Variants in SLC4A7 observed in about 807,000 individuals in gnomAD.
The protein encoded by SLC4A7 is solute carrier family 4 member 7, also known as sodium bicarbonate cotransporter 3.
In SLC4A7, 51 loss-of-function variants were observed where a neutral mutation model predicts 137.6. That is an observed-to-expected ratio of 0.37 (90% CI 0.30 to 0.47). The LOEUF (loss-of-function observed/expected upper bound fraction) is 0.47. Among genes scored for constraint, SLC4A7 ranks in the 20% least tolerant of loss-of-function variants. The pLI is 1.00. For synonymous variants in SLC4A7, 542 were observed against 518.6 expected, an observed-to-expected ratio of 1.05 and a Z score of -0.61; for missense variants, 1,247 against 1,525.4, an observed-to-expected ratio of 0.82 and a Z score of 3.04.
rs779539155 is a variant in SLC4A7 at position 27,431,342 on chromosome 3, T to C, written c.1106A>G (p.Lys369Arg). The C allele has an allele frequency of 4.3e-6, 7 of 1,610,722 alleles. No homozygotes were observed. The South Asian group carries it at 7.7e-5, about 18-fold the overall frequency. The change falls in exon 7 of 26, where the codon AAA (lysine) becomes AGA (arginine). Residue 369 changes from lysine to arginine, a missense_variant. Physicochemically the swap from Lys to Arg is conservative, Grantham distance 26. Around this residue, in one of 6 missense-constraint regions of SLC4A7, gnomAD observed 499 missense variants for 664.2 expected, o/e 0.75. Transcript: ENST00000454389. ...PPEEDLEAAL[K>R]GEEQKNEENV... ...TTCCTCATTCTTCTGCTCCTCGCCTTTCAGCGCTGCTTCTAAGTCTTCCTC... is the reference window on the plus strand; with the variant it reads ...TTCCTCATTCTTCTGCTCCTCGCCTCTCAGCGCTGCTTCTAAGTCTTCCTC...
intron 8 of SLC4A7, 138 bp downstream of exon 8, chr3:27,423,899 C>A (rs981198446): frequency 1.2e-5 from 7 of 578,734 alleles, no homozygotes; most frequent in Admixed American, 3.2e-5. Context: ...TAACATATCA[C>A]AGACATCACA....
chr3:27,441,900 CTTT>C (rs527582749), intron 3 of SLC4A7, among the ~76,000 whole-genome samples: 2 of 144,372 alleles, frequency 1.4e-5, no homozygotes, highest in Admixed American at 7.0e-5. Flanking sequence ...ATTAGTTTGA[CTTT>C]TTTTTTTTTT....
rs1332270977 is a variant in SLC4A7, at chr3:27,400,860, A to G, written c.2331T>C (p.Cys777=). 2.6e-6 allele frequency: 4 copies of G among 1,567,606 alleles called. No individual in the cohort carries two copies. Among genetic ancestry groups the G allele is most frequent in the African/African-American group, 2.7e-5 (2 of 74,336 alleles). The change falls in exon 16 of 26, where the codon TGT becomes TGC. Residue 777 remains cysteine, a synonymous_variant. Transcript: ENST00000454389. ...LDKLTSYSCV[C]TEPPNPSNET... ...CATTGCTGGGGTTTGGAGGTTCAGT[A>G]CATACACATCTGAGAAATTAGAGTA...
chr3:27,435,606 A>G (rs1268313421), intron 5 of SLC4A7, among the ~76,000 whole-genome samples: 2 of 152,220 alleles, frequency 1.3e-5, no homozygotes, highest in Non-Finnish European at 2.9e-5. Context: ...CTGGCAAGCC[A>G]AAGTGGGCAG....
At chr3:27,431,237 T>C in intron 7 of SLC4A7, 61 bp downstream of exon 7, 2 of 1,505,850 alleles carry the variant, frequency 1.3e-6, no homozygotes, top group Non-Finnish European at 1.8e-6. Flanking sequence ...CTAAAAGGCA[T>C]TCCAAGTGCA....
intron 1 of SLC4A7, among the ~76,000 whole-genome samples, chr3:27,471,653 T>A (rs2059252578): frequency 6.6e-6 from 1 of 152,206 alleles, no homozygotes; most frequent in Non-Finnish European, 1.5e-5. Context: ...ATTACAGGCG[T>A]GAGCCACCGC....
chr3:27,445,071 T>C (rs745991277), intron 3 of SLC4A7, among the ~76,000 whole-genome samples: 4 of 152,226 alleles, frequency 2.6e-5, no homozygotes, highest in African/African-American at 9.6e-5. Flanking sequence ...ATACCCTGTA[T>C]GTGTCAAAGT....
chr3:27,430,873 C>T (rs9858315), intron 7 of SLC4A7, among the ~76,000 whole-genome samples: 3,643 of 152,030 alleles, frequency 0.024, 162 homozygotes, highest in African/African-American at 0.084. Flanking sequence ...AAGTTCATGG[C>T]AAATTAAAAC....
intron 1 of SLC4A7, among the ~76,000 whole-genome samples, chr3:27,458,213 CTT>C (rs1333377015): frequency 1.3e-5 from 2 of 152,108 alleles, no homozygotes; most frequent in Non-Finnish European, 2.9e-5. Flanking sequence ...TCAAAGTGCT[CTT>C]TGTGTATACA....
intron 11 of SLC4A7, among the ~76,000 whole-genome samples, chr3:27,411,999 T>C (rs1296062801): frequency 6.6e-6 from 1 of 152,172 alleles, no homozygotes; most frequent in Admixed American, 6.5e-5. Context: ...ATTATCAATA[T>C]ACTATAAAAT....
rs181020761 is a variant in SLC4A7, at chr3:27,483,697, G to C, written c.60+370C>G. ...CTCCTGCGCCAAGGCAACCGGAACC[G>C]GGACCCCGCCTGGGGAGCGCGCTAA... On this transcript the variant is annotated intron_variant, in intron 1 of 25. Coordinates refer to ENST00000454389, the MANE Select transcript of SLC4A7 (RefSeq NM_001321103.2). Among the ~76,000 whole-genome samples the C allele has an allele frequency of 5.0e-3, 754 of 152,290 alleles. 4 individuals carry two copies. Among genetic ancestry groups the C allele is most frequent in the Non-Finnish European group, 7.4e-3 (506 of 68,010 alleles).
At chr3:27,442,294 T>C (rs1285525818) in intron 3 of SLC4A7, among the ~76,000 whole-genome samples, 2 of 152,228 alleles carry the variant, frequency 1.3e-5, no homozygotes, top group Admixed American at 1.3e-4. Context: ...CTTGTATATC[T>C]TTAGAGAAAC....
At chr3:27,431,806 A>T in intron 6 of SLC4A7, 137 bp from the exon 7 acceptor site, 1 of 794,628 alleles carries the variant, frequency 1.3e-6, no homozygotes, top group Non-Finnish European at 1.8e-6. Flanking sequence ...GATGGTTAGC[A>T]TGTCAATCGG....
At chr3:27,481,155 A>G (rs1357201268) in intron 1 of SLC4A7, among the ~76,000 whole-genome samples, 1 of 152,210 alleles carries the variant, frequency 6.6e-6, no homozygotes, top group African/African-American at 2.4e-5. Context: ...ATACTGGAAA[A>G]TAAGACTGAC....
intron 7 of SLC4A7, among the ~76,000 whole-genome samples, chr3:27,429,232 C>G (rs905412129): frequency 6.6e-6 from 1 of 151,898 alleles, no homozygotes; most frequent in African/African-American, 2.4e-5. Flanking sequence ...CACCACTGCA[C>G]TCCAGCCTGG....
At chr3:27,394,101 C>G (rs1349979621) in intron 20 of SLC4A7, among the ~76,000 whole-genome samples, 1 of 152,192 alleles carries the variant, frequency 6.6e-6, no homozygotes, top group East Asian at 1.9e-4. Flanking sequence ...TCACTGCAGC[C>G]TTGACCTCCC....
chr3:27,393,711 T>A (rs956216966), intron 20 of SLC4A7, among the ~76,000 whole-genome samples: 12 of 152,090 alleles, frequency 7.9e-5, no homozygotes, highest in Non-Finnish European at 1.2e-4. Context: ...TCCCAGAGGG[T>A]TTAAATTTCT....
At chr3:27,473,525 C>A (rs1234648118) in intron 1 of SLC4A7, among the ~76,000 whole-genome samples, 2 of 151,616 alleles carry the variant, frequency 1.3e-5, no homozygotes, top group African/African-American at 4.8e-5. Context: ...TGAGACCAGC[C>A]TGGGCAACAT....
chr3:27,422,646 G>A (rs2055106345), intron 8 of SLC4A7: 2 of 348,284 alleles, frequency 5.7e-6, no homozygotes, highest in South Asian at 2.2e-5. Context: ...GTAAAATTTA[G>A]CTTTCTGTGT....
Sources: allele counts gnomAD v4.1 joint callset (sites outside exome capture counted in the v4.1 genomes callset), GRCh38; gene constraint gnomAD v4.1.1; regional missense constraint gnomAD v4.1.1; transcripts MANE v1.5; gene names NCBI Gene and HGNC (gene_info 2026-07-23, HGNC 2026-07-21).